Variants in RAB38 observed in about 807,000 individuals in gnomAD.
RAB38 encodes the protein ras-related protein Rab-38.
Under a neutral mutation model 18.4 loss-of-function variants are expected in RAB38, and 15 were observed. The ratio of observed to expected loss-of-function variants is 0.82; its 90% CI spans 0.55 to 1.26. RAB38 has a LOEUF of 1.26. Ranked by LOEUF, RAB38 falls within the 50% of genes most tolerant of loss-of-function variation. The pLI, the probability that RAB38 is intolerant of heterozygous loss-of-function variation, is 0.00. For missense variants in RAB38, 294 were observed against 267.4 expected (o/e 1.10, Z -0.69); for synonymous variants, 101 against 104.4 (o/e 0.97, Z 0.20).
the RAB38 span, among the ~76,000 whole-genome samples, chr11:87,830,430 A>G: frequency 4.0e-3 from 611 of 151,874 alleles, 3 homozygotes; most frequent in Non-Finnish European, 6.3e-3. Flanking sequence ...GTAGTGAGCC[A>G]TGATTGTGCC....
the RAB38 span, among the ~76,000 whole-genome samples, chr11:88,032,261 T>C: frequency 6.6e-6 from 1 of 152,152 alleles, no homozygotes; most frequent in African/African-American, 2.4e-5. Context: ...ATGTTAGACC[T>C]AAAACCATAA....
At chr11:87,924,241 T>C in the RAB38 span, among the ~76,000 whole-genome samples, 1 of 152,018 alleles carries the variant, frequency 6.6e-6, no homozygotes, top group Non-Finnish European at 1.5e-5. Flanking sequence ...AAAATGCACA[T>C]ACATGCCTTG....
the RAB38 span, among the ~76,000 whole-genome samples, chr11:87,888,488 T>C: frequency 2.0e-5 from 3 of 151,964 alleles, no homozygotes; most frequent in African/African-American, 7.2e-5. Flanking sequence ...CATACTTTCC[T>C]CTGAGCCTCA....
chr11:87,874,639 A>G, the RAB38 span, among the ~76,000 whole-genome samples: 2 of 150,556 alleles, frequency 1.3e-5, no homozygotes, highest in African/African-American at 4.9e-5. Flanking sequence ...CCTAGAACTT[A>G]AAGTATAATA....
At chr11:87,832,481 C>T in the RAB38 span, among the ~76,000 whole-genome samples, 1 of 152,160 alleles carries the variant, frequency 6.6e-6, no homozygotes, top group African/African-American at 2.4e-5. Flanking sequence ...GACTTGGCTT[C>T]TGAGCTCATT....
chr11:87,940,994 C>T, the RAB38 span, among the ~76,000 whole-genome samples: 2 of 151,500 alleles, frequency 1.3e-5, no homozygotes, highest in African/African-American at 2.4e-5. Context: ...TTGGTTTGAT[C>T]AGCAGATATT....
At chr11:88,105,728 C>T in the RAB38 span, among the ~76,000 whole-genome samples, 1 of 152,096 alleles carries the variant, frequency 6.6e-6, no homozygotes, top group East Asian at 1.9e-4. Context: ...CAGCTTGGAT[C>T]ACAAGCACAC....
chr11:88,097,215 T>C, the RAB38 span, among the ~76,000 whole-genome samples: 1 of 151,896 alleles, frequency 6.6e-6, no homozygotes, highest in South Asian at 2.1e-4. Flanking sequence ...AAGTGCCTGT[T>C]ACTTTATAGC....
the RAB38 span, among the ~76,000 whole-genome samples, chr11:87,878,569 C>T: frequency 6.9e-4 from 105 of 151,596 alleles, 3 homozygotes; most frequent in East Asian, 0.019. Context: ...TTGAGAATGT[C>T]GGAGGATGTT....
chr11:88,046,900 T>C, the RAB38 span, among the ~76,000 whole-genome samples: 1 of 152,126 alleles, frequency 6.6e-6, no homozygotes, highest in Non-Finnish European at 1.5e-5. Flanking sequence ...CCCTGACTTA[T>C]CCCAACACTT....
chr11:87,902,931 AATTT>A, the RAB38 span, among the ~76,000 whole-genome samples: 38 of 151,038 alleles, frequency 2.5e-4, no homozygotes, highest in African/African-American at 8.5e-4. Context: ...AGTCTTTCTA[AATTT>A]ATTTAATAAT....
chr11:87,931,468 G>C, the RAB38 span, among the ~76,000 whole-genome samples: 1 of 151,982 alleles, frequency 6.6e-6, no homozygotes, highest in Non-Finnish European at 1.5e-5. Flanking sequence ...TTTTGCTTGG[G>C]AGGGATCCAG....
chr11:88,008,383 A>G, the RAB38 span, among the ~76,000 whole-genome samples: 1 of 152,152 alleles, frequency 6.6e-6, no homozygotes, highest in African/African-American at 2.4e-5. Context: ...GTGAAAAACA[A>G]AAGTTACCAG....
At chr11:87,804,642 G>T in the RAB38 span, among the ~76,000 whole-genome samples, 1 of 151,794 alleles carries the variant, frequency 6.6e-6, no homozygotes, top group East Asian at 1.9e-4. Context: ...TTTCAGTCTC[G>T]GAAGTAAGGC....
chr11:87,899,408 T>C, the RAB38 span, among the ~76,000 whole-genome samples: 2 of 151,692 alleles, frequency 1.3e-5, no homozygotes, highest in East Asian at 3.9e-4. Flanking sequence ...AAGCTGTTTT[T>C]ATTTCTTTAT....
chr11:87,839,598 A>G, the RAB38 span, among the ~76,000 whole-genome samples: 2 of 152,242 alleles, frequency 1.3e-5, no homozygotes, highest in Non-Finnish European at 2.9e-5. Flanking sequence ...ACTTTGTAAC[A>G]CATCAAAGAA....
At chr11:88,021,852 T>C in the RAB38 span, among the ~76,000 whole-genome samples, 3 of 4,546 alleles carry the variant, frequency 6.6e-4, no homozygotes, top group Non-Finnish European at 1.3e-3. Flanking sequence ...AAACTCCATC[T>C]CAAAAAAAAA....
chr11:88,024,743 G>A, the RAB38 span, among the ~76,000 whole-genome samples: 7 of 152,108 alleles, frequency 4.6e-5, no homozygotes, highest in African/African-American at 1.4e-4. Context: ...AGAACTGGAT[G>A]AAATAAACCA....
chr11:88,061,685 G>C, the RAB38 span: 5 of 151,944 alleles, frequency 3.3e-5, no homozygotes, highest in Non-Finnish European at 7.4e-5. Context: ...ACAGGACCTA[G>C]AGAAGTGCCT....
Sources: allele counts gnomAD v4.1 joint callset (sites outside exome capture counted in the v4.1 genomes callset), GRCh38; gene constraint gnomAD v4.1.1; transcripts MANE v1.5; gene names NCBI Gene and HGNC (gene_info 2026-07-23, HGNC 2026-07-21).